ZNF808: variants seen among roughly 807,000 people sequenced by gnomAD.
ZNF808 encodes the protein zinc finger protein 808.
ZNF808 carries 5 observed loss-of-function variants against 8.7 expected under a neutral mutation model. That is an observed-to-expected ratio of 0.58 (90% CI 0.30 to 1.21). The LOEUF (loss-of-function observed/expected upper bound fraction) is 1.21. Among genes scored for constraint, ZNF808 ranks in the 50% most tolerant of loss-of-function variants. The probability of loss-of-function intolerance (pLI) is 0.07; values close to 1 mark genes in which losing one functional copy is unlikely to be tolerated. For synonymous variants in ZNF808, 380 were observed against 366.0 expected, an observed-to-expected ratio of 1.04 and a Z score of -0.44; for missense variants, 1,103 against 1,098.4, an observed-to-expected ratio of 1.00 and a Z score of -0.06.
At chr19:52,536,838 C>T (rs1390519624) in intron 2 of ZNF808, among the ~76,000 whole-genome samples, 2 of 151,878 alleles carry the variant, frequency 1.3e-5, no homozygotes, top group South Asian at 4.2e-4. Context: ...AGATAAGAGG[C>T]GGTAATATGT....
downstream of ZNF808, among the ~76,000 whole-genome samples, chr19:52,561,202 CTCTCTCTCTCTA>C (rs1436009119): frequency 0.015 from 644 of 43,558 alleles, 1 homozygote; most frequent in African/African-American, 0.023. Flanking sequence ...CTCTCTCTCT[CTCTCTCTCTCTA>C]TATATATATA....
chr19:52,547,698 G>A, intron 4 of ZNF808, 60 bp downstream of exon 4: 1 of 1,578,542 alleles, frequency 6.3e-7, no homozygotes, highest in East Asian at 2.3e-5. Context: ...GGCTCTTCCT[G>A]GTTTTGTATT....
intron 2 of ZNF808, among the ~76,000 whole-genome samples, chr19:52,538,095 C>T (rs1183480822): frequency 1.3e-5 from 2 of 152,094 alleles, no homozygotes; most frequent in South Asian, 2.1e-4. Flanking sequence ...ACTGCAGCCT[C>T]GACCTCTTAG....
intron 1 of ZNF808, among the ~76,000 whole-genome samples, chr19:52,528,910 C>G (rs989217184): frequency 1.3e-5 from 2 of 151,062 alleles, no homozygotes; most frequent in Non-Finnish European, 2.9e-5. Flanking sequence ...GAGGATGGAG[C>G]AGAAGAGATG....
At chr19:52,543,131 C>T (rs999170592) in intron 2 of ZNF808, 135 bp from the exon 3 acceptor site, 1 of 851,524 alleles carries the variant, frequency 1.2e-6, no homozygotes, top group Non-Finnish European at 1.8e-6. Flanking sequence ...ACTTTCTTAC[C>T]TCTGCATGAT....
At chr19:52,558,401 T>A (rs1479667511), downstream of ZNF808, among the ~76,000 whole-genome samples, 3 of 148,898 alleles carry the variant, frequency 2.0e-5, no homozygotes, top group African/African-American at 7.5e-5. Context: ...AGACAGAATC[T>A]CACTCTGTCA....
chr19:52,551,470 C>G (rs1568487665), intron 4 of ZNF808, among the ~76,000 whole-genome samples: 2 of 151,986 alleles, frequency 1.3e-5, no homozygotes, highest in East Asian at 1.9e-4. Context: ...CCTCATACAT[C>G]AGAAGGTAGT....
rs766680436 is a variant in ZNF808 at position 52,553,730 on chromosome 19, C to G, written c.814C>G (p.Gln272Glu). The G allele has an allele frequency of 2.5e-5, 41 of 1,614,140 alleles. No homozygotes were observed. In the South Asian group the frequency reaches 3.5e-4, roughly 14 times the overall value. The change falls in exon 5 of 5, where the codon CAA (glutamine) becomes GAA (glutamate). Residue 272 changes from glutamine (Q) to glutamate (E), a missense_variant. Coordinates refer to ENST00000359798, the MANE Select transcript of ZNF808 (RefSeq NM_001039886.4). The stretch of plus-strand genomic sequence containing the variant: ...ATGTGGCAAGCTCTTTAATCACAAG[C>G]AATACCTTGCATGCCATCGTAGATG... ...DVCGKLFNHKQYLACHRRCHT... is the reference protein window; with the variant it reads ...DVCGKLFNHKEYLACHRRCHT...
In ZNF808 at chr19:52,553,842, A is replaced by T. The variant is rs1190474437; in HGVS notation, c.926A>T (p.His309Leu). 6.2e-7 allele frequency: 1 copy of T among 1,614,208 alleles called. No individual in the cohort carries two copies. Among genetic ancestry groups the T allele is most frequent in the East Asian group, 2.2e-5 (1 of 44,878 alleles). Residue 309 changes from histidine to leucine, a missense_variant, in exon 5 of 5, where the codon CAT (histidine) becomes CTT (leucine). His to Leu is a moderately conservative substitution (Grantham distance 99). Coordinates refer to ENST00000359798, the MANE Select transcript of ZNF808 (RefSeq NM_001039886.4). Reference protein sequence around the residue: ...KSSLTCHHRLHTGVKPYKCNE... With the variant: ...KSSLTCHHRLLTGVKPYKCNE... ...TCCCTTACATGCCATCATAGACTTC[A>T]TACTGGAGTAAAACCTTACAAGTGT...
rs2059830754 is a variant in ZNF808 at position 52,555,736 on chromosome 19, C to T, written c.*108C>T. ...AGTGTAATAAATGTGGCATGTTTTT[C>T]AGACATTGTTCATACATTGCAGTTC... On this transcript the variant is annotated 3_prime_UTR_variant, in exon 5 of 5. Transcript: ENST00000359798. 1 of 1,477,582 alleles carries T rather than the reference C, an allele frequency of 6.8e-7. No homozygotes were observed. The highest frequency in any genetic ancestry group is 1.3e-5 in the South Asian group (1 of 79,024). 91.5% of individuals were successfully genotyped at this position (1,477,582 alleles called of 1,614,324 possible).
chr19:52,533,842 CCA>C (rs1491560185), intron 2 of ZNF808, among the ~76,000 whole-genome samples: 12 of 55,242 alleles, frequency 2.2e-4, no homozygotes, highest in African/African-American at 3.0e-4. Context: ...GACTCCGTCT[CCA>C]AAAAAAAAAA....
intron 2 of ZNF808, among the ~76,000 whole-genome samples, chr19:52,542,343 C>G (rs2059679081): frequency 6.6e-6 from 1 of 152,168 alleles, no homozygotes; most frequent in Admixed American, 6.5e-5. Flanking sequence ...TACCTGTGCC[C>G]TCCTCTCTTC....
At chr19:52,557,744 A>C (rs2059842972), downstream of ZNF808, among the ~76,000 whole-genome samples, 1 of 152,214 alleles carries the variant, frequency 6.6e-6, no homozygotes, top group Admixed American at 6.5e-5. Flanking sequence ...AGAATCTTGC[A>C]AAAGAAGTTT....
At chr19:52,539,265 C>T (rs1216861511) in intron 2 of ZNF808, among the ~76,000 whole-genome samples, 1 of 142,798 alleles carries the variant, frequency 7.0e-6, no homozygotes, top group Non-Finnish European at 1.5e-5. Context: ...GCAGTCTTGA[C>T]TCACTGCAAC....
intron 3 of ZNF808, among the ~76,000 whole-genome samples, chr19:52,545,324 C>T (rs181877755): frequency 5.3e-5 from 8 of 152,078 alleles, no homozygotes; most frequent in African/African-American, 1.7e-4. Flanking sequence ...TGGGCCACCA[C>T]GTGGGTAACG....
At position 52,561,687 on chromosome 19, in the gene ZNF808, A is replaced by T. The variant is rs111896799; in HGVS notation, c.*423-1631A>T. On this transcript the variant is annotated intron_variant and NMD_transcript_variant, in intron 3 of 3. Coordinates refer to the ZNF808 transcript ENST00000487863. ...CTGAGGCTCCCAAGTAGCTGGGATT[A>T]CAGGCGTGTACCACCACACCCAGCT... 5.1e-3 allele frequency among the ~76,000 whole-genome samples: 773 copies of T among 152,028 alleles called. 5 individuals are homozygous for T. The highest frequency in any genetic ancestry group is 0.017 in the African/African-American group (721 of 41,460).
chr19:52,531,249 G>A (rs375579037), intron 1 of ZNF808, among the ~76,000 whole-genome samples: 12 of 152,204 alleles, frequency 7.9e-5, no homozygotes, highest in East Asian at 3.9e-4. Flanking sequence ...TGATGTGGGC[G>A]AATCACCTGA....
At chr19:52,533,164 T>G (rs1486416553) in intron 2 of ZNF808, among the ~76,000 whole-genome samples, 155 bp downstream of exon 2, 1 of 152,196 alleles carries the variant, frequency 6.6e-6, no homozygotes, top group Non-Finnish European at 1.5e-5. Flanking sequence ...TTTTCTGAGG[T>G]AGTATGTTTT....
rs1378337328 is a variant in ZNF808, at chr19:52,553,480, C to G, written c.564C>G (p.Ser188=). The G allele has an allele frequency of 6.2e-7, 1 of 1,614,020 alleles. No individual in the cohort carries two copies. The highest frequency in any genetic ancestry group is 1.3e-5 in the African/African-American group (1 of 74,890). ...TTGAGAAGTCTACCAGTGATGCTTC[C>G]TCAGTTTCAACATCCCAAAGAATTT... The part of the protein sequence containing the change: ...NQLEKSTSDA[S]SVSTSQRISC... Residue 188 remains serine (S), a synonymous_variant, in exon 5 of 5, where the codon TCC becomes TCG. Coordinates refer to ENST00000359798, the MANE Select transcript of ZNF808 (RefSeq NM_001039886.4).
Sources: gnomAD v4.1 joint callset for allele counts (sites outside exome capture counted in the v4.1 genomes callset) on GRCh38, gnomAD v4.1.1 for gene constraint, MANE v1.5 for transcripts, NCBI Gene and HGNC (gene_info 2026-07-23, HGNC 2026-07-21) for gene names.